Variants in HCN1 observed in about 807,000 individuals in gnomAD.
The protein encoded by HCN1 is potassium/sodium hyperpolarization-activated cyclic nucleotide-gated channel 1.
A neutral mutation model predicts 78.9 loss-of-function variants in HCN1; 13 were observed. The observed-to-expected ratio is 0.16, with a 90% CI of 0.11 to 0.26. The LOEUF (loss-of-function observed/expected upper bound fraction) is 0.26. HCN1 is among the 10% of genes least tolerant of loss of function. The pLI is 1.00. For missense variants in HCN1, 810 were observed against 1,154.3 expected, an observed-to-expected ratio of 0.70 and a Z score of 4.32; for synonymous variants, 552 against 455.5, an observed-to-expected ratio of 1.21 and a Z score of -2.70.
intron 3 of HCN1, among the ~76,000 whole-genome samples, chr5:45,429,352 TG>T (rs1254496844): frequency 6.6e-6 from 1 of 152,164 alleles, no homozygotes; most frequent in Non-Finnish European, 1.5e-5. Flanking sequence ...CAGCTTTATA[TG>T]GGGGCTTCTC....
rs112465893 is a variant in HCN1 at position 45,423,315 on chromosome 5, G to A, written c.1012-26605C>T. Among the ~76,000 whole-genome samples, 87 of 152,268 alleles carry A rather than the reference G, an allele frequency of 5.7e-4. 1 individual carries two copies. Among genetic ancestry groups the A allele is most frequent in the African/African-American group, 2.0e-3 (84 of 41,554 alleles). On this transcript the variant is annotated intron_variant, in intron 3 of 7. Coordinates refer to ENST00000303230, the MANE Select transcript of HCN1 (RefSeq NM_021072.4). Reference sequence around the variant, plus strand: ...ATGGATTACTGCATGTGGCTTAAGAGTAAGAGACACAAAAATCTCCTAAAT... The same window carrying A: ...ATGGATTACTGCATGTGGCTTAAGAATAAGAGACACAAAAATCTCCTAAAT...
intron 2 of HCN1, among the ~76,000 whole-genome samples, chr5:45,598,354 G>T (rs1380465155): frequency 1.3e-5 from 2 of 152,106 alleles, no homozygotes; most frequent in Non-Finnish European, 2.9e-5. Context: ...GGGAAAACTG[G>T]CTAGCCATAT....
At chr5:45,551,184 T>C (rs943685147) in intron 2 of HCN1, among the ~76,000 whole-genome samples, 7 of 151,986 alleles carry the variant, frequency 4.6e-5, no homozygotes, top group Non-Finnish European at 8.8e-5. Flanking sequence ...GATACGCATG[T>C]CTGATTGTGA....
chr5:45,569,281 T>C (rs1271789601), intron 2 of HCN1, among the ~76,000 whole-genome samples: 3 of 152,216 alleles, frequency 2.0e-5, no homozygotes, highest in Admixed American at 6.6e-5. Context: ...GTTTTTCTCT[T>C]ATTAATCTTT....
chr5:45,277,211 T>A (rs1048559024), intron 6 of HCN1, among the ~76,000 whole-genome samples: 2 of 152,136 alleles, frequency 1.3e-5, no homozygotes, highest in Non-Finnish European at 2.9e-5. Flanking sequence ...CTCCAACAGG[T>A]AAATTTGTTC....
chr5:45,476,115 G>C (rs2111662918), intron 2 of HCN1, among the ~76,000 whole-genome samples: 1 of 152,264 alleles, frequency 6.6e-6, no homozygotes, highest in Middle Eastern at 3.4e-3. Flanking sequence ...TTCCATAGAT[G>C]TGGTCAATGC....
chr5:45,332,106 T>G (rs998115177), intron 5 of HCN1, among the ~76,000 whole-genome samples: 1 of 151,374 alleles, frequency 6.6e-6, no homozygotes, highest in Non-Finnish European at 1.5e-5. Context: ...TTTTTAAAAT[T>G]TCTATTTAGC....
chr5:45,397,677 CTACTT>C (rs1201387855), intron 3 of HCN1, among the ~76,000 whole-genome samples: 1 of 151,330 alleles, frequency 6.6e-6, no homozygotes, highest in African/African-American at 2.4e-5. Context: ...TCCTTTAAAA[CTACTT>C]TATTATTTAT....
chr5:45,444,768 C>T (rs1185277078), intron 3 of HCN1, among the ~76,000 whole-genome samples: 1 of 151,828 alleles, frequency 6.6e-6, no homozygotes, highest in Non-Finnish European at 1.5e-5. Context: ...ATTATTTTTA[C>T]TTTATTCTTT....
At chr5:45,609,552 T>A (rs1209258104) in intron 2 of HCN1, among the ~76,000 whole-genome samples, 1 of 152,102 alleles carries the variant, frequency 6.6e-6, no homozygotes, top group East Asian at 1.9e-4. Flanking sequence ...TCTATTAGAT[T>A]CTATAGTAAT....
At chr5:45,333,937 C>T (rs1746398945) in intron 5 of HCN1, among the ~76,000 whole-genome samples, 1 of 151,732 alleles carries the variant, frequency 6.6e-6, no homozygotes, top group Non-Finnish European at 1.5e-5. Context: ...GGTATCTAAT[C>T]TTAATTACGT....
At chr5:45,467,457 T>C (rs1445814012) in intron 2 of HCN1, among the ~76,000 whole-genome samples, 1 of 152,108 alleles carries the variant, frequency 6.6e-6, no homozygotes, top group Admixed American at 6.6e-5. Flanking sequence ...ACATCTCCAT[T>C]TATTAAGGGC....
intron 4 of HCN1, among the ~76,000 whole-genome samples, chr5:45,378,668 A>T (rs1398074085): frequency 6.6e-6 from 1 of 152,126 alleles, no homozygotes; most frequent in Non-Finnish European, 1.5e-5. Context: ...ACATGTGCAC[A>T]ACGTGCAGGT....
At chr5:45,615,071 A>G in intron 2 of HCN1, among the ~76,000 whole-genome samples, 1 of 151,992 alleles carries the variant, frequency 6.6e-6, no homozygotes, top group Non-Finnish European at 1.5e-5. Context: ...TGAGCTAAAA[A>G]CAAAACAAAA....
At chr5:45,553,846 T>C in intron 2 of HCN1, among the ~76,000 whole-genome samples, 1 of 151,850 alleles carries the variant, frequency 6.6e-6, no homozygotes, top group Admixed American at 6.6e-5. Flanking sequence ...TCATTCTCAG[T>C]TGTTGAAATC....
chr5:45,482,886 G>T (rs1741683759), intron 2 of HCN1, among the ~76,000 whole-genome samples: 1 of 152,086 alleles, frequency 6.6e-6, no homozygotes, highest in African/African-American at 2.4e-5. Context: ...GTGTTAATTT[G>T]CTTAGAATTA....
At chr5:45,694,925 A>C (rs981248807) in intron 1 of HCN1, 1 of 152,178 alleles carries the variant, frequency 6.6e-6, no homozygotes, top group Non-Finnish European at 1.5e-5. Context: ...ACTTGCAGTC[A>C]AGGTCAAGAA....
At chr5:45,345,871 T>C (rs1019616963) in intron 5 of HCN1, among the ~76,000 whole-genome samples, 11 of 152,226 alleles carry the variant, frequency 7.2e-5, no homozygotes, top group African/African-American at 2.7e-4. Flanking sequence ...AGTGCCCAAC[T>C]ACTCTGTACC....
chr5:45,552,670 T>C (rs2111858164), intron 2 of HCN1, among the ~76,000 whole-genome samples: 1 of 152,018 alleles, frequency 6.6e-6, no homozygotes, highest in South Asian at 2.1e-4. Context: ...ATTGGAAAAG[T>C]CTAGAAACAT....
Sources: allele counts gnomAD v4.1 joint callset (sites outside exome capture counted in the v4.1 genomes callset), GRCh38; gene constraint gnomAD v4.1.1; transcripts MANE v1.5; gene names NCBI Gene and HGNC (gene_info 2026-07-23, HGNC 2026-07-21).